The following CNTN4 variants were observed in gnomAD, a reference collection of about 807,000 sequenced individuals.
CNTN4 encodes contactin 4.
Under a neutral mutation model 122.5 loss-of-function variants are expected in CNTN4, and 77 were observed. The ratio of observed to expected loss-of-function variants is 0.63; its 90% CI spans 0.52 to 0.76. The LOEUF (loss-of-function observed/expected upper bound fraction) is 0.76. Ranked by LOEUF, CNTN4 falls within the 30% of genes least tolerant of loss-of-function variation. The pLI is 0.00. For missense variants in CNTN4, 1,256 were observed against 1,259.1 expected, an observed-to-expected ratio of 1.00 and a Z score of 0.04; for synonymous variants, 512 against 447.0, an observed-to-expected ratio of 1.15 and a Z score of -1.83.
chr3:2,884,025 C>G (rs2093941446), intron 9 of CNTN4, among the ~76,000 whole-genome samples: 1 of 152,142 alleles, frequency 6.6e-6, no homozygotes, highest in African/African-American at 2.4e-5. Context: ...ATGCCCAGCC[C>G]CATCTATCTG....
At chr3:2,254,325 A>T (rs1277792205) in intron 2 of CNTN4, among the ~76,000 whole-genome samples, 2 of 152,110 alleles carry the variant, frequency 1.3e-5, no homozygotes, top group Non-Finnish European at 2.9e-5. Flanking sequence ...AGTCTTTGTT[A>T]TTGTGAACAG....
At chr3:2,278,546 A>C (rs139038566) in intron 2 of CNTN4, among the ~76,000 whole-genome samples, 1 of 152,338 alleles carries the variant, frequency 6.6e-6, no homozygotes, top group African/African-American at 2.4e-5. Context: ...AGAAGCAGTC[A>C]TGCTTAGTTG....
chr3:3,044,104 C>T (rs1008394659), intron 23 of CNTN4, among the ~76,000 whole-genome samples: 3 of 151,772 alleles, frequency 2.0e-5, no homozygotes, highest in African/African-American at 7.3e-5. Flanking sequence ...TCGTATGTTT[C>T]TATAGTCAAG....
intron 6 of CNTN4, among the ~76,000 whole-genome samples, chr3:2,797,248 C>G (rs1483168359): frequency 6.6e-6 from 1 of 152,164 alleles, no homozygotes; most frequent in Non-Finnish European, 1.5e-5. Context: ...CCTGCCTCAG[C>G]CTCCCAAAGC....
chr3:2,400,599 A>G (rs1190125587), intron 3 of CNTN4, among the ~76,000 whole-genome samples: 2 of 150,170 alleles, frequency 1.3e-5, no homozygotes, highest in African/African-American at 4.9e-5. Context: ...TCTTAGTTCA[A>G]CAAATCAAAT....
chr3:2,931,087 T>C (rs2094516367), intron 13 of CNTN4, among the ~76,000 whole-genome samples: 1 of 152,100 alleles, frequency 6.6e-6, no homozygotes, highest in African/African-American at 2.4e-5. Flanking sequence ...ACAGAAAAAT[T>C]ACTGTGCCTG....
At chr3:2,494,957 G>A (rs190770517) in intron 3 of CNTN4, among the ~76,000 whole-genome samples, 111 of 152,164 alleles carry the variant, frequency 7.3e-4, no homozygotes, top group Non-Finnish European at 1.3e-3. Context: ...ATTTCTTGAG[G>A]TATTATGAAA....
intron 3 of CNTN4, among the ~76,000 whole-genome samples, chr3:2,360,600 C>T (rs2045091858): frequency 6.6e-6 from 1 of 152,076 alleles, no homozygotes; most frequent in Non-Finnish European, 1.5e-5. Context: ...TTCAACATGG[C>T]TGGGGAGGCC....
chr3:2,813,360 A>G (rs13095462), intron 6 of CNTN4, among the ~76,000 whole-genome samples: 8 of 151,956 alleles, frequency 5.3e-5, no homozygotes, highest in Admixed American at 3.3e-4. Flanking sequence ...TCTAAGGCCA[A>G]CCTGGGAGAA....
chr3:2,601,688 G>T (rs2081054275), intron 4 of CNTN4, among the ~76,000 whole-genome samples: 1 of 152,140 alleles, frequency 6.6e-6, no homozygotes, highest in Admixed American at 6.6e-5. Context: ...TGGCAATGCG[G>T]GCTCTATTTT....
intron 6 of CNTN4, among the ~76,000 whole-genome samples, chr3:2,804,334 C>G (rs1047791529): frequency 1.3e-5 from 2 of 152,064 alleles, no homozygotes; most frequent in African/African-American, 4.8e-5. Context: ...TGAGGAAAAA[C>G]CATCAGGTTA....
intron 4 of CNTN4, among the ~76,000 whole-genome samples, chr3:2,703,810 A>G (rs867304928): frequency 3.9e-5 from 6 of 152,172 alleles, no homozygotes; most frequent in African/African-American, 1.4e-4. Context: ...ATAGCCCTAT[A>G]TGTGTTTATT....
At chr3:3,012,315 G>A (rs757689505) in intron 14 of CNTN4, among the ~76,000 whole-genome samples, 1 of 152,100 alleles carries the variant, frequency 6.6e-6, no homozygotes, top group Admixed American at 6.5e-5. Flanking sequence ...ACCTTTGCAA[G>A]GATTTTGGCA....
At chr3:2,289,106 C>T (rs2042043257) in intron 2 of CNTN4, among the ~76,000 whole-genome samples, 1 of 152,116 alleles carries the variant, frequency 6.6e-6, no homozygotes, top group African/African-American at 2.4e-5. Context: ...TCTTATAAGG[C>T]TATACATTTA....
intron 3 of CNTN4, among the ~76,000 whole-genome samples, chr3:2,526,010 C>T (rs2077385421): frequency 6.6e-6 from 1 of 152,086 alleles, no homozygotes; most frequent in African/African-American, 2.4e-5. Context: ...TCAGTTAAGA[C>T]TGAATCAGGG....
intron 6 of CNTN4, among the ~76,000 whole-genome samples, chr3:2,770,371 G>A (rs998273175): frequency 2.0e-5 from 3 of 152,172 alleles, no homozygotes; most frequent in Non-Finnish European, 4.4e-5. Flanking sequence ...AAATGTTAGA[G>A]ATTTAAAACC....
intron 3 of CNTN4, among the ~76,000 whole-genome samples, chr3:2,416,012 A>G (rs1465590078): frequency 6.6e-6 from 1 of 152,178 alleles, no homozygotes; most frequent in Non-Finnish European, 1.5e-5. Context: ...TAGTCAATCA[A>G]TAGCCATTTA....
intron 2 of CNTN4, among the ~76,000 whole-genome samples, chr3:2,235,817 T>C (rs1452385716): frequency 1.3e-5 from 2 of 152,160 alleles, no homozygotes; most frequent in African/African-American, 2.4e-5. Flanking sequence ...ATACATCCAC[T>C]TAACACCCAG....
chr3:3,030,548 C>T (rs1041214788), intron 15 of CNTN4, among the ~76,000 whole-genome samples: 3 of 152,292 alleles, frequency 2.0e-5, no homozygotes, highest in Non-Finnish European at 4.4e-5. Flanking sequence ...AAAACTAGAT[C>T]GAGAGCCACC....
Sources: gnomAD v4.1 joint callset for allele counts (sites outside exome capture counted in the v4.1 genomes callset) on GRCh38, gnomAD v4.1.1 for gene constraint, MANE v1.5 for transcripts, NCBI Gene and HGNC (gene_info 2026-07-23, HGNC 2026-07-21) for gene names.